Variants in IQCJ observed in about 807,000 individuals in gnomAD.
IQCJ encodes IQ domain-containing protein J.
A neutral mutation model predicts 11.0 loss-of-function variants in IQCJ; 9 were observed. The ratio of observed to expected loss-of-function variants is 0.82; its 90% CI spans 0.49 to 1.43. The LOEUF (loss-of-function observed/expected upper bound fraction) is 1.43. Among genes scored for constraint, IQCJ ranks in the 40% most tolerant of loss-of-function variants. The pLI is 0.00. For synonymous variants in IQCJ, 55 were observed against 51.3 expected (o/e 1.07, Z -0.31); for missense variants, 146 against 133.2 (o/e 1.10, Z -0.47).
chr3:159,132,182 C>A (rs1720030351), intron 1 of IQCJ, among the ~76,000 whole-genome samples: 1 of 152,100 alleles, frequency 6.6e-6, no homozygotes, highest in Non-Finnish European at 1.5e-5. Flanking sequence ...CTTGGAGTTT[C>A]TTGTTTGTTT....
intron 1 of IQCJ, among the ~76,000 whole-genome samples, chr3:159,194,173 A>C (rs774065510): frequency 5.3e-5 from 8 of 152,346 alleles, no homozygotes; most frequent in Middle Eastern, 3.4e-3. Flanking sequence ...CTCTAGTCTG[A>C]AAACTTGCTC....
chr3:159,262,821 A>G lies in IQCJ; in HGVS notation c.*90A>G. On this transcript the variant is annotated 3_prime_UTR_variant, in exon 4 of 4. Transcript: ENST00000397832. ...GATCTATGTAGCTTATTTGCTACCC[A>G]GGAACCCATGGTGAGAGTTTTGTCA... 6.7e-7 allele frequency: 1 copy of G among 1,482,638 alleles called. No homozygotes were observed. The highest frequency in any genetic ancestry group is 9.0e-7 in the Non-Finnish European group (1 of 1,111,970). 91.8% of individuals were successfully genotyped at this position (1,482,638 alleles called of 1,614,324 possible).
intron 1 of IQCJ, among the ~76,000 whole-genome samples, chr3:159,172,775 G>A (rs1722555947): frequency 6.7e-6 from 1 of 149,724 alleles, no homozygotes; most frequent in Admixed American, 6.7e-5. Flanking sequence ...GCGGGCGGGG[G>A]GGTGGGGGTG....
At chr3:159,106,276 A>G (rs888442426) in intron 1 of IQCJ, among the ~76,000 whole-genome samples, 2 of 152,168 alleles carry the variant, frequency 1.3e-5, no homozygotes, top group African/African-American at 2.4e-5. Flanking sequence ...CTTGTCAAGT[A>G]GGAAGTTAGA....
chr3:159,089,904 C>T lies in IQCJ; in HGVS notation c.9+20463C>T, dbSNP rs182072558. On this transcript the variant is annotated intron_variant, in intron 1 of 3. Coordinates refer to ENST00000397832, the MANE Select transcript of IQCJ (RefSeq NM_001042706.3). ...CTCAGAGTAATTTGATCATCTGAAG[C>T]CTTCTTCTCTCAGCTCGTCAAAGTT... 1.1e-3 allele frequency among the ~76,000 whole-genome samples: 160 copies of T among 151,966 alleles called. 1 individual carries two copies. Among genetic ancestry groups the T allele is most frequent in the African/African-American group, 3.6e-3 (149 of 41,250 alleles).
At position 159,166,945 on chromosome 3, in the gene IQCJ, G is replaced by C. The variant is rs1358035405; in HGVS notation, c.10-78898G>C. On this transcript the variant is annotated intron_variant, in intron 1 of 3. Coordinates refer to ENST00000397832, the MANE Select transcript of IQCJ (RefSeq NM_001042706.3). ...GTCTAATGCATCTGCAAATACTAGGGATATTGGAAACTTAATCCTGCCTAT... is the reference window on the plus strand; with the variant it reads ...GTCTAATGCATCTGCAAATACTAGGCATATTGGAAACTTAATCCTGCCTAT... Among the ~76,000 whole-genome samples, 3 of 152,184 alleles carry C rather than the reference G, an allele frequency of 2.0e-5. No individual in the cohort carries two copies. In the South Asian group the frequency reaches 6.2e-4, roughly 32 times the overall value.
intron 3 of IQCJ, among the ~76,000 whole-genome samples, chr3:159,257,123 G>A (rs1289514428): frequency 6.6e-6 from 1 of 152,152 alleles, no homozygotes; most frequent in East Asian, 1.9e-4. Context: ...AATGTTAGAA[G>A]AATTACATTT....
In IQCJ at chr3:159,189,201, G is replaced by A. The variant is rs1020980439; in HGVS notation, c.10-56642G>A. 2.6e-5 allele frequency among the ~76,000 whole-genome samples: 4 copies of A among 152,098 alleles called. No individual in the cohort carries two copies. In the East Asian group the frequency reaches 7.7e-4, roughly 29 times the overall value. ...TAGCCAAATAAATAATAGTGACTAC[G>A]GGTAACTTGCTTCATCCTGCCAAAG... On this transcript the variant is annotated intron_variant, in intron 1 of 3. Transcript: ENST00000397832.
intron 1 of IQCJ, among the ~76,000 whole-genome samples, chr3:159,136,705 G>A (rs982940822): frequency 2.6e-5 from 4 of 152,146 alleles, no homozygotes; most frequent in African/African-American, 9.7e-5. Context: ...TAAAATTATT[G>A]AACAAGGGCT....
Position 159,179,710 on chromosome 3 carries a change from T to A in IQCJ, c.10-66133T>A, listed in dbSNP as rs999407515. Among the ~76,000 whole-genome samples, 6 of 152,212 alleles carry A rather than the reference T, an allele frequency of 3.9e-5. No homozygotes were observed. The South Asian group carries it at 6.2e-4, about 16-fold the overall frequency. ...CAATAGCTATAAAAATACGTACCAT[T>A]TATTAAGCATTTAATAAGAATCAAC... On this transcript the variant is annotated intron_variant, in intron 1 of 3. Transcript: ENST00000397832.
intron 1 of IQCJ, among the ~76,000 whole-genome samples, chr3:159,118,675 G>A (rs376568073): frequency 3.3e-5 from 5 of 152,120 alleles, no homozygotes; most frequent in African/African-American, 7.2e-5. Flanking sequence ...CTCTTACCCC[G>A]ACCTCAGCTT....
chr3:159,076,653 A>G (rs1013819732), intron 1 of IQCJ, among the ~76,000 whole-genome samples: 11 of 152,136 alleles, frequency 7.2e-5, no homozygotes, highest in African/African-American at 2.7e-4. Context: ...TGGAACAGGA[A>G]TAATACTTCT....
At position 159,070,635 on chromosome 3, in the gene IQCJ, T is replaced by A. The variant is rs932772260; in HGVS notation, c.9+1194T>A. ...TCTTTCACTTTGCATTATGCTCTTT[T>A]TGAGATCAATATTAACTAATTTTTG... On this transcript the variant is annotated intron_variant, in intron 1 of 3. Transcript: ENST00000397832. 5.3e-5 allele frequency among the ~76,000 whole-genome samples: 8 copies of A among 152,196 alleles called. 1 individual carries two copies. The highest frequency in any genetic ancestry group is 1.2e-4 in the Non-Finnish European group (8 of 67,954).
intron 1 of IQCJ, among the ~76,000 whole-genome samples, chr3:159,146,281 G>T (rs192078692): frequency 3.9e-5 from 6 of 152,184 alleles, no homozygotes; most frequent in East Asian, 1.9e-4. Flanking sequence ...GGGTAAGAAG[G>T]CTTTGGAAAT....
chr3:159,169,598 T>C (rs571162036), intron 1 of IQCJ, among the ~76,000 whole-genome samples: 1 of 152,284 alleles, frequency 6.6e-6, no homozygotes, highest in South Asian at 2.1e-4. Flanking sequence ...CCAAAGCCCA[T>C]GTTCCTAATC....
chr3:159,094,127 G>A (rs1203117259), intron 1 of IQCJ, among the ~76,000 whole-genome samples: 1 of 151,706 alleles, frequency 6.6e-6, no homozygotes, highest in Non-Finnish European at 1.5e-5. Flanking sequence ...CAAAATCTAT[G>A]CTCCTAGCCA....
At chr3:159,143,502 A>C (rs1720747538) in intron 1 of IQCJ, among the ~76,000 whole-genome samples, 1 of 152,086 alleles carries the variant, frequency 6.6e-6, no homozygotes, top group South Asian at 2.1e-4. Context: ...CTTCACCACA[A>C]AAGCTCCATG....
At chr3:159,254,902 T>C (rs912100814) in intron 3 of IQCJ, among the ~76,000 whole-genome samples, 2 of 152,118 alleles carry the variant, frequency 1.3e-5, no homozygotes, top group Non-Finnish European at 2.9e-5. Context: ...TCTCCTGTAA[T>C]CCCCCCAATA....
intron 1 of IQCJ, among the ~76,000 whole-genome samples, chr3:159,111,957 T>C (rs542191729): frequency 6.6e-6 from 1 of 152,182 alleles, no homozygotes; most frequent in Non-Finnish European, 1.5e-5. Context: ...GGTTTTTTTT[T>C]CCCCGCAATT....
Sources: allele counts gnomAD v4.1 joint callset (sites outside exome capture counted in the v4.1 genomes callset), GRCh38; gene constraint gnomAD v4.1.1; transcripts MANE v1.5; gene names NCBI Gene and HGNC (gene_info 2026-07-23, HGNC 2026-07-21).